SCN11A: variants seen among roughly 807,000 people sequenced by gnomAD.
SCN11A encodes the protein sodium voltage-gated channel alpha subunit 11.
In SCN11A, 122 loss-of-function variants were observed where a neutral mutation model predicts 162.2. That is an observed-to-expected ratio of 0.75 (90% CI 0.65 to 0.87). The LOEUF is 0.87. SCN11A is among the 40% of genes least tolerant of loss of function. The pLI is 0.00. For synonymous variants in SCN11A, 758 were observed against 751.5 expected (o/e 1.01, Z -0.14); for missense variants, 2,015 against 2,181.6 (o/e 0.92, Z 1.52).
chr3:38,850,567 A>T lies in SCN11A; in HGVS notation c.4241T>A (p.Leu1414His), dbSNP rs2064759145. Residue 1414 changes from leucine (L) to histidine (H), a missense_variant, in exon 29 of 30, where the codon CTC becomes CAC. Physicochemically the swap from Leu to His is moderately conservative, Grantham distance 99. Coordinates refer to ENST00000302328, the MANE Select transcript of SCN11A (RefSeq NM_001349253.2). ...TTGCCTCAAAGCAAAGATTTTGATG[A>T]GACATTCTAACGTAAAGATGACCAC... is the stretch of plus-strand genomic sequence containing the variant. ...VFVVIFTLEC[L>H]IKIFALRQYY... 1 of 1,613,742 alleles carries T rather than the reference A, an allele frequency of 6.2e-7. No homozygotes were observed.
chr3:38,960,700 T>C (rs1482623959), intron 2 of SCN11A, among the ~76,000 whole-genome samples: 1 of 152,222 alleles, frequency 6.6e-6, no homozygotes. Flanking sequence ...GCATTAAGCT[T>C]AAGCTGCAGG....
In SCN11A at chr3:38,883,308, G is replaced by A. The variant is rs1575242555; in HGVS notation, c.3144C>T (p.Thr1048=). The A allele has an allele frequency of 6.2e-7, 1 of 1,613,982 alleles. No homozygotes were observed. Among genetic ancestry groups the A allele is most frequent in the South Asian group, 1.1e-5 (1 of 91,076 alleles). Residue 1048 remains threonine (T), a synonymous_variant, in exon 22 of 30, where the codon ACC becomes ACT. Transcript: ENST00000302328. ...PWVIWWNLRK[T]CYQIVKHSWF... is the part of the protein sequence containing the mutation. ...AGCTGTGTTTCACTATTTGGTAGCA[G>A]GTTTTCCGCAGGTTCCACCAAATGA...
intron 23 of SCN11A, among the ~76,000 whole-genome samples, chr3:38,873,999 C>T (rs74904416): frequency 0.02 from 3,115 of 152,142 alleles, 100 homozygotes; most frequent in African/African-American, 0.07. Flanking sequence ...CAAAACAGTA[C>T]ACTGGACAGT....
intron 28 of SCN11A, among the ~76,000 whole-genome samples, chr3:38,859,502 T>A: frequency 6.7e-6 from 1 of 150,208 alleles, no homozygotes. Context: ...CAACAAAAAG[T>A]AGCAAGATTG....
intron 7 of SCN11A, among the ~76,000 whole-genome samples, chr3:38,932,958 A>C (rs925980459): frequency 6.6e-6 from 1 of 152,198 alleles, no homozygotes; most frequent in Non-Finnish European, 1.5e-5. Flanking sequence ...GAGCAGCCTA[A>C]CTGGGAGGCA....
intron 2 of SCN11A, among the ~76,000 whole-genome samples, chr3:38,985,068 G>A (rs575834349): frequency 1.3e-5 from 2 of 150,332 alleles, no homozygotes; most frequent in African/African-American, 5.0e-5. Context: ...GCCACAGGAG[G>A]GCTTAAACAG....
Position 38,904,110 on chromosome 3 carries a change from G to A in SCN11A, c.1604-7C>T. 1 of 1,532,466 alleles carries A rather than the reference G, an allele frequency of 6.5e-7. No homozygotes were observed. The allele number at this position is 1,532,466 out of a possible 1,614,324, so 94.9% of individuals were successfully genotyped here. ...TCTTGTGATTTTTCTTGTTCTGGAG[G>A]AGAATGAGCGAGAGGTTGAGGAGTT... On this transcript the variant is annotated splice_polypyrimidine_tract_variant and splice_region_variant and intron_variant, in intron 15 of 29. Transcript: ENST00000302328.
At position 38,946,815 on chromosome 3, in the gene SCN11A, ACTT is replaced by A. The variant is rs994854442; in HGVS notation, c.357_359del (p.Arg119del). 6 of 1,612,874 alleles carry A rather than the reference ACTT, an allele frequency of 3.7e-6. No homozygotes were observed. The Admixed American group carries it at 1.0e-4, about 27-fold the overall frequency. On this transcript the variant is annotated inframe_deletion, in exon 6 of 30. Transcript: ENST00000302328. ...AATGGACTGAGACTCTAATGGCTAA[ACTT>A]CTGATTGAATTGAAAGGCCCAAAAA...
intron 1 of SCN11A, among the ~76,000 whole-genome samples, chr3:39,045,821 G>C (rs1476262869): frequency 6.6e-6 from 1 of 152,162 alleles, no homozygotes; most frequent in African/African-American, 2.4e-5. Flanking sequence ...AAAGAATAAA[G>C]GGCATCTAAG....
chr3:38,885,429 G>T, intron 20 of SCN11A, 27 bp from the exon 21 acceptor site: 6 of 1,283,662 alleles, frequency 4.7e-6, no homozygotes, highest in Non-Finnish European at 6.8e-6. Context: ...AACGAAGGGG[G>T]TGCCTTTTAC....
intron 23 of SCN11A, among the ~76,000 whole-genome samples, chr3:38,876,023 A>C (rs1022918334): frequency 2.0e-5 from 3 of 152,188 alleles, no homozygotes; most frequent in African/African-American, 7.2e-5. Flanking sequence ...ACACAGACCA[A>C]TTGAACAGAA....
intron 28 of SCN11A, among the ~76,000 whole-genome samples, chr3:38,856,321 G>A (rs920607171): frequency 3.9e-5 from 6 of 152,096 alleles, no homozygotes; most frequent in Admixed American, 6.5e-5. Flanking sequence ...GGGTGAGTGC[G>A]GCCCCAGAGA....
rs115783228 is a variant in SCN11A, at chr3:38,876,500, C to A, written c.3393+3450G>T. Among the ~76,000 whole-genome samples, 953 of 152,158 alleles carry A rather than the reference C, an allele frequency of 6.3e-3. 15 individuals carry two copies. Among genetic ancestry groups the A allele is most frequent in the African/African-American group, 0.022 (915 of 41,550 alleles). ...ATCCAGAATCTACAAAGAACTCAATCAAATCAGCAAGTAAAAAAACAAATA... is the reference window on the plus strand; with the variant it reads ...ATCCAGAATCTACAAAGAACTCAATAAAATCAGCAAGTAAAAAAACAAATA... On this transcript the variant is annotated intron_variant, in intron 23 of 29. Transcript: ENST00000302328.
In SCN11A at chr3:38,909,112, G is replaced by T. The variant is rs768795491; in HGVS notation, c.1184C>A (p.Thr395Asn). ...ATATGCCATGGTAACAACAGCCAGG[G>T]TTAAGTTAATCAGGTAGAAGGAGCC... is the stretch of plus-strand genomic sequence containing the variant. The part of the protein sequence containing the change: ...FLGSFYLINL[T>N]LAVVTMAYEE... The change falls in exon 13 of 30, where the codon ACC becomes AAC. Residue 395 changes from threonine to asparagine, a missense_variant. Physicochemically the swap from Thr to Asn is moderately conservative, Grantham distance 65 (BLOSUM62 0). Coordinates refer to ENST00000302328, the MANE Select transcript of SCN11A (RefSeq NM_001349253.2). The T allele has an allele frequency of 1.2e-6, 2 of 1,614,094 alleles. No homozygotes were observed. Among genetic ancestry groups the T allele is most frequent in the East Asian group, 4.5e-5 (2 of 44,876 alleles).
chr3:39,049,743 TA>T (rs1318768320), intron 1 of SCN11A, among the ~76,000 whole-genome samples: 4 of 152,348 alleles, frequency 2.6e-5, no homozygotes, highest in Non-Finnish European at 4.4e-5. Flanking sequence ...ATATGATTCT[TA>T]AGATTTATTC....
intron 7 of SCN11A, among the ~76,000 whole-genome samples, chr3:38,931,195 C>T (rs1192134094): frequency 6.6e-6 from 1 of 152,200 alleles, no homozygotes; most frequent in Non-Finnish European, 1.5e-5. Flanking sequence ...CAGGATGGCA[C>T]CTATTCCTGG....
intron 2 of SCN11A, among the ~76,000 whole-genome samples, chr3:38,993,641 A>C (rs1401540969): frequency 6.6e-6 from 1 of 152,180 alleles, no homozygotes; most frequent in Non-Finnish European, 1.5e-5. Context: ...AGATAGGAAA[A>C]TCTACACATT....
chr3:38,904,160 T>TCAGGCAAAGGGCA, intron 15 of SCN11A, 57 bp from the exon 16 acceptor site: 2 of 1,108,072 alleles, frequency 1.8e-6, no homozygotes, highest in Non-Finnish European at 2.6e-6. Flanking sequence ...CCAGATGCCC[T>TCAGGCAAAGGGCA]TTGCCTGAGT....
Position 38,945,959 on chromosome 3 carries a change from GAACCAA to G in SCN11A, c.387-453_387-448del, listed in dbSNP as rs141265354. On this transcript the variant is annotated intron_variant, in intron 6 of 29. Transcript: ENST00000302328. ...GCCCATATCAGGCTCTGCTTCTAGG[GAACCAA>G]ACCCAAATAGTTATTCATTGCCATT... Among the ~76,000 whole-genome samples the G allele has an allele frequency of 0.017, 2,623 of 152,070 alleles. 105 individuals carry two copies. The East Asian group carries it at 0.18, about 10-fold the overall frequency.
Sources: allele counts gnomAD v4.1 joint callset (sites outside exome capture counted in the v4.1 genomes callset), GRCh38; gene constraint gnomAD v4.1.1; transcripts MANE v1.5; gene names NCBI Gene and HGNC (gene_info 2026-07-23, HGNC 2026-07-21).